BCAT2: variants seen among roughly 807,000 people sequenced by gnomAD.
BCAT2 encodes the protein branched-chain-amino-acid aminotransferase, mitochondrial.
Under a neutral mutation model 52.9 loss-of-function variants are expected in BCAT2, and 44 were observed. The ratio of observed to expected loss-of-function variants is 0.83; its 90% CI spans 0.65 to 1.07. The LOEUF (loss-of-function observed/expected upper bound fraction) is 1.07, where lower values mean the gene tolerates loss of function less well. BCAT2 is among the 50% of genes least tolerant of loss of function. The probability of loss-of-function intolerance (pLI) is 0.00; values close to 1 mark genes in which losing one functional copy is unlikely to be tolerated. For synonymous variants in BCAT2, 215 were observed against 217.1 expected (o/e 0.99, Z 0.08); for missense variants, 478 against 521.8 (o/e 0.92, Z 0.82).
At chr19:48,798,568 G>A (rs565818312) in intron 6 of BCAT2, among the ~76,000 whole-genome samples, 1 of 152,018 alleles carries the variant, frequency 6.6e-6, no homozygotes, top group South Asian at 2.1e-4. Context: ...TTGTACCCAG[G>A]AAACCCCCTC....
chr19:48,795,998 C>T, intron 10 of BCAT2: 2 of 318,318 alleles, frequency 6.3e-6, no homozygotes, highest in Non-Finnish European at 1.2e-5. Context: ...TCTGAGATGG[C>T]CAGAGGGCTG....
intron 1 of BCAT2, chr19:48,810,761 C>T: frequency 7.6e-7 from 1 of 1,309,504 alleles, no homozygotes; most frequent in Non-Finnish European, 9.9e-7. Flanking sequence ...TTTACCTCCC[C>T]GCCAATTACT....
intron 10 of BCAT2, chr19:48,796,195 T>C (rs571150531): frequency 3.4e-6 from 2 of 586,618 alleles, no homozygotes; most frequent in South Asian, 4.5e-5. Flanking sequence ...TTTCCAAAGC[T>C]GAAGACATAT....
chr19:48,799,678 C>A lies in BCAT2; in HGVS notation c.692G>T (p.Gly231Val), dbSNP rs755892212. The change falls in exon 6 of 11, where the codon GGT (glycine) becomes GTT (valine). Residue 231 changes from glycine to valine, a missense_variant. By Grantham distance (109) the Gly-to-Val change is moderately radical. Coordinates refer to ENST00000316273, the MANE Select transcript of BCAT2 (RefSeq NM_001190.4). This position sits in a 1 kb window ranked among gnomAD's most constrained non-coding sequence, Gnocchi z 5.5. The part of the protein sequence containing the change: ...WVGGVGNYKL[G>V]GNYGPTVLVQ... ...TGGGGATGGGGGTGCTACTTACCCACCTAACTTGTAGTTGCCGACCCCGCC... is the reference window on the plus strand; with the variant it reads ...TGGGGATGGGGGTGCTACTTACCCAACTAACTTGTAGTTGCCGACCCCGCC... 3 of 1,577,994 alleles carry A rather than the reference C, an allele frequency of 1.9e-6. No individual in the cohort carries two copies. Among genetic ancestry groups the A allele is most frequent in the Non-Finnish European group, 2.6e-6 (3 of 1,165,662 alleles).
chr19:48,809,066 CAAAAAAAAAAAA>C (rs3057799), intron 1 of BCAT2, among the ~76,000 whole-genome samples: 16 of 28,966 alleles, frequency 5.5e-4, no homozygotes, highest in African/African-American at 7.2e-4. Context: ...GAGTGTCTCT[CAAAAAAAAAAAA>C]AAAAAAAAAA....
rs929332327 is a variant in BCAT2 at position 48,807,883 on chromosome 19, G to A, written c.25-809C>T. On this transcript the variant is annotated intron_variant, in intron 1 of 10. Transcript: ENST00000316273. The surrounding 1 kb of genome is among the most constrained non-coding windows in gnomAD (Gnocchi z 4.6). ...TGAGGCTCAGGCGGGTCCTCCCAGA[G>A]GGGAGTAGGAAGAGCAGGTCTGGCT... is the stretch of plus-strand genomic sequence containing the variant. 8.1e-5 allele frequency: 80 copies of A among 985,630 alleles called. No individual in the cohort carries two copies. Among genetic ancestry groups the A allele is most frequent in the South Asian group, 2.3e-4 (5 of 21,294 alleles). 61.1% of individuals were successfully genotyped at this position (985,630 alleles called of 1,614,324 possible).
At chr19:48,801,297 A>G (rs1331125103) in intron 3 of BCAT2, among the ~76,000 whole-genome samples, 1 of 151,958 alleles carries the variant, frequency 6.6e-6, no homozygotes, top group East Asian at 1.9e-4. Flanking sequence ...AATGGAAGAC[A>G]AGCAAAACTA....
chr19:48,810,001 A>G (rs918742701), intron 1 of BCAT2, among the ~76,000 whole-genome samples: 1 of 152,068 alleles, frequency 6.6e-6, no homozygotes, highest in Non-Finnish European at 1.5e-5. Flanking sequence ...GGGCCATTCT[A>G]TGACACCAGA....
At chr19:48,800,444 G>A in intron 3 of BCAT2, 147 bp from the exon 4 acceptor site, 1 of 682,072 alleles carries the variant, frequency 1.5e-6, no homozygotes, top group Non-Finnish European at 2.5e-6. Context: ...TAGCAGCTGG[G>A]TCAGAGAGAT....
At position 48,807,316 on chromosome 19, in the gene BCAT2, A is replaced by C; in HGVS notation, c.25-242T>G. On this transcript the variant is annotated intron_variant, in intron 1 of 10. Transcript: ENST00000316273. This position sits in a 1 kb window ranked among gnomAD's most constrained non-coding sequence, Gnocchi z 4.6. The stretch of plus-strand genomic sequence containing the variant: ...CTCCTCCATGCTGCGGCAAAGTCAA[A>C]CGCAAGCGCCTCCCACCCCAGAGAC... 48 of 422,258 alleles carry C rather than the reference A, an allele frequency of 1.1e-4. No individual in the cohort carries two copies. Among genetic ancestry groups the C allele is most frequent in the Middle Eastern group, 7.0e-4 (1 of 1,432 alleles). The allele number at this position is 422,258 out of a possible 1,614,324, so 26.2% of individuals were successfully genotyped here. A position where few individuals can be genotyped will look rare whatever the true frequency, so the allele number is the denominator to read the frequency against.
intron 2 of BCAT2, 69 bp downstream of exon 2, chr19:48,806,931 G>C: frequency 6.5e-7 from 1 of 1,548,732 alleles, no homozygotes; most frequent in South Asian, 1.1e-5. Flanking sequence ...TGGACCTTTT[G>C]GAGATGCCCA....
chr19:48,796,251 G>C (rs772227920), intron 10 of BCAT2, 177 bp downstream of exon 10: 7 of 766,700 alleles, frequency 9.1e-6, no homozygotes, highest in Non-Finnish European at 1.5e-5. Context: ...AGCCCCAAGG[G>C]GTTTTCCAGG....
At position 48,795,785 on chromosome 19, in the gene BCAT2, G is replaced by T. The variant is rs190502233; in HGVS notation, c.1141-321C>A. 7.5e-5 allele frequency: 31 copies of T among 412,094 alleles called. No homozygotes were observed. The East Asian group carries it at 1.1e-3, about 14-fold the overall frequency. 25.5% of individuals were successfully genotyped at this position (412,094 alleles called of 1,614,324 possible). A position where few individuals can be genotyped will look rare whatever the true frequency, so the allele number is the denominator to read the frequency against. On this transcript the variant is annotated intron_variant, in intron 10 of 10. Coordinates refer to ENST00000316273, the MANE Select transcript of BCAT2 (RefSeq NM_001190.4). ...AGGTCCTGATGCACAAAAGTTTACA[G>T]AAATGTAGCTCTAGGTCTGGGAAAG...
rs1347354118 is a variant in BCAT2 at position 48,796,668 on chromosome 19, C to T, written c.975G>A (p.Arg325=). Residue 325 remains arginine (R), a synonymous_variant, in exon 9 of 11, where the codon CGG becomes CGA. Transcript: ENST00000316273. ...CCCGCACGCGGCCCTCCTCCAGGGC[C>T]CGCAGCAACTGCTTCATGGTGATCG... ...ERTITMKQLL[R]ALEEGRVREV... is the part of the protein sequence containing the mutation. 4.3e-6 allele frequency: 7 copies of T among 1,613,520 alleles called. No homozygotes were observed. The highest frequency in any genetic ancestry group is 5.9e-6 in the Non-Finnish European group (7 of 1,180,048).
intron 1 of BCAT2, among the ~76,000 whole-genome samples, chr19:48,809,947 T>C (rs980137763): frequency 6.6e-6 from 1 of 152,028 alleles, no homozygotes; most frequent in African/African-American, 2.4e-5. Flanking sequence ...TTACAGGATA[T>C]CTCTATCTTC....
Position 48,807,425 on chromosome 19 carries a change from A to C in BCAT2, c.25-351T>G, listed in dbSNP as rs946880453. 8 of 226,278 alleles carry C rather than the reference A, an allele frequency of 3.5e-5. No homozygotes were observed. The highest frequency in any genetic ancestry group is 6.2e-5 in the Non-Finnish European group (7 of 113,508). The allele number at this position is 226,278 out of a possible 1,614,324, so 14.0% of individuals were successfully genotyped here. ...GTAAGTGAAGGCCTCCGGGTACCCA[A>C]GTGCTGACAGGCCTTAGAAGACCAA... On this transcript the variant is annotated intron_variant, in intron 1 of 10. Coordinates refer to ENST00000316273, the MANE Select transcript of BCAT2 (RefSeq NM_001190.4). The surrounding 1 kb of genome is among the most constrained non-coding windows in gnomAD (Gnocchi z 4.6).
At position 48,799,633 on chromosome 19, in the gene BCAT2, G is replaced by A. The variant is rs2034608686; in HGVS notation, c.695+42C>T. The A allele has an allele frequency of 2.0e-6, 3 of 1,517,142 alleles. No homozygotes were observed. Among genetic ancestry groups the A allele is most frequent in the South Asian group, 2.7e-5 (2 of 75,272 alleles). 94.0% of individuals were successfully genotyped at this position (1,517,142 alleles called of 1,614,324 possible). On this transcript the variant is annotated intron_variant, in intron 6 of 10. Transcript: ENST00000316273. This position sits in a 1 kb window ranked among gnomAD's most constrained non-coding sequence, Gnocchi z 5.5. ...GCACGCTGGTCCCTGTGTCTCCAAC[G>A]CCCAGTGCGCCAGTCGTTCTGGGGA...
Position 48,807,914 on chromosome 19 carries a change from C to A in BCAT2, c.25-840G>T, listed in dbSNP as rs2034828639. On this transcript the variant is annotated intron_variant, in intron 1 of 10. Coordinates refer to ENST00000316273, the MANE Select transcript of BCAT2 (RefSeq NM_001190.4). This position sits in a 1 kb window ranked among gnomAD's most constrained non-coding sequence, Gnocchi z 4.6. ...TAGGAAGAGCAGGTCTGGCTGTGTC[C>A]AGCAGGCTGGGCCCTCTCTGGTGAC... 1 of 985,854 alleles carries A rather than the reference C, an allele frequency of 1.0e-6. No homozygotes were observed. The highest frequency in any genetic ancestry group is 1.2e-6 in the Non-Finnish European group (1 of 830,236). The allele number at this position is 985,854 out of a possible 1,614,324, so 61.1% of individuals were successfully genotyped here.
intron 6 of BCAT2, among the ~76,000 whole-genome samples, chr19:48,798,017 C>T (rs1197059184): frequency 6.6e-6 from 1 of 152,000 alleles, no homozygotes; most frequent in Non-Finnish European, 1.5e-5. Flanking sequence ...ATATGCCCGC[C>T]TCAGCCCCCC....
Sources: gnomAD v4.1 joint callset for allele counts (sites outside exome capture counted in the v4.1 genomes callset) on GRCh38, gnomAD v4.1.1 for gene constraint, Gnocchi (gnomAD v3.1) non-coding constraint, MANE v1.5 for transcripts, NCBI Gene and HGNC (gene_info 2026-07-23, HGNC 2026-07-21) for gene names.